OSBPL8: variants seen among roughly 807,000 people sequenced by gnomAD.
The protein encoded by OSBPL8 is oxysterol-binding protein-related protein 8.
In OSBPL8, 59 loss-of-function variants were observed where a neutral mutation model predicts 125.5. The observed-to-expected ratio is 0.47, with a 90% confidence interval of 0.38 to 0.58. The LOEUF (loss-of-function observed/expected upper bound fraction) is 0.58, where lower values mean the gene tolerates loss of function less well. Ranked by LOEUF, OSBPL8 falls within the 20% of genes least tolerant of loss-of-function variation. OSBPL8 has a pLI of 0.00. For synonymous variants in OSBPL8, 330 were observed against 338.9 expected (o/e 0.97, Z 0.29); for missense variants, 758 against 1,047.8 (o/e 0.72, Z 3.82).
intron 1 of OSBPL8, among the ~76,000 whole-genome samples, chr12:76,499,964 T>C (rs1565947875): frequency 6.6e-6 from 1 of 152,182 alleles, no homozygotes; most frequent in Non-Finnish European, 1.5e-5. Flanking sequence ...TACCCTCCAA[T>C]GATCCTTTAC....
rs192294419 is a variant in OSBPL8, at chr12:76,387,071, C to T, written c.1353-411G>A. 3.3e-3 allele frequency among the ~76,000 whole-genome samples: 509 copies of T among 152,260 alleles called. 2 individuals are homozygous for T. Among genetic ancestry groups the T allele is most frequent in the African/African-American group, 0.012 (491 of 41,550 alleles). On this transcript the variant is annotated intron_variant, in intron 12 of 23. Coordinates refer to ENST00000261183, the MANE Select transcript of OSBPL8 (RefSeq NM_020841.5). ...CAATGTTAGGCAGTGGCCAAGCAGC[C>T]TCATTAACAATTTTGTTAGAAGTCT...
chr12:76,448,906 A>G (rs1873041699), intron 4 of OSBPL8, among the ~76,000 whole-genome samples: 1 of 152,094 alleles, frequency 6.6e-6, no homozygotes, highest in South Asian at 2.1e-4. Context: ...CCAGCTACTC[A>G]GGAGGCTGAG....
chr12:76,471,924 T>C (rs1484175382), intron 2 of OSBPL8, among the ~76,000 whole-genome samples: 2 of 152,216 alleles, frequency 1.3e-5, no homozygotes, highest in African/African-American at 2.4e-5. Context: ...AGGTTAAGCA[T>C]TACCTTGTCT....
intron 4 of OSBPL8, among the ~76,000 whole-genome samples, chr12:76,449,429 T>C (rs1050680577): frequency 1.3e-5 from 2 of 152,196 alleles, no homozygotes; most frequent in Non-Finnish European, 2.9e-5. Flanking sequence ...AGGTGAAAAC[T>C]AGTTTCATAA....
chr12:76,490,881 G>T (rs147514403), intron 1 of OSBPL8, among the ~76,000 whole-genome samples: 1 of 152,350 alleles, frequency 6.6e-6, no homozygotes, highest in Non-Finnish European at 1.5e-5. Flanking sequence ...ACCCCACTTG[G>T]ATGCTGCAGC....
intron 6 of OSBPL8, among the ~76,000 whole-genome samples, chr12:76,401,165 A>G (rs1954038375): frequency 6.6e-6 from 1 of 152,148 alleles, no homozygotes; most frequent in Non-Finnish European, 1.5e-5. Context: ...ACCCATTTTT[A>G]TTATACCCCC....
chr12:76,520,064 T>G (rs1248009039), intron 1 of OSBPL8, among the ~76,000 whole-genome samples: 1 of 152,070 alleles, frequency 6.6e-6, no homozygotes, highest in African/African-American at 2.4e-5. Context: ...ATAAAATATC[T>G]CAGAGACCAG....
At chr12:76,371,675 G>A (rs1344543787) in intron 18 of OSBPL8, 91 bp from the exon 19 acceptor site, 1 of 1,138,690 alleles carries the variant, frequency 8.8e-7, no homozygotes, top group Non-Finnish European at 1.1e-6. Context: ...AATTTCTTCT[G>A]GTTAATCCTC....
chr12:76,547,008 TC>T (rs1169398503), intron 1 of OSBPL8, among the ~76,000 whole-genome samples: 3 of 152,212 alleles, frequency 2.0e-5, no homozygotes, highest in Non-Finnish European at 4.4e-5. Flanking sequence ...ATTTAAGCCT[TC>T]CAAATCACAA....
At chr12:76,489,729 A>G (rs1878516784) in intron 1 of OSBPL8, among the ~76,000 whole-genome samples, 1 of 152,256 alleles carries the variant, frequency 6.6e-6, no homozygotes, top group Admixed American at 6.5e-5. Flanking sequence ...CTAACGCAAC[A>G]TCTATTCTGC....
chr12:76,402,642 T>C, intron 6 of OSBPL8, 47 bp downstream of exon 6: 1 of 1,368,108 alleles, frequency 7.3e-7, no homozygotes, highest in Non-Finnish European at 1.0e-6. Context: ...CAAACACACA[T>C]GCAAAGCACA....
chr12:76,385,994 T>C (rs981716679), intron 14 of OSBPL8, 174 bp downstream of exon 14: 1 of 851,050 alleles, frequency 1.2e-6, no homozygotes, highest in Non-Finnish European at 1.6e-6. Context: ...ATAGTACCTA[T>C]GAATATATTT....
intron 1 of OSBPL8, among the ~76,000 whole-genome samples, chr12:76,512,130 C>T (rs1338618147): frequency 2.0e-5 from 3 of 152,316 alleles, no homozygotes; most frequent in African/African-American, 4.8e-5. Context: ...ATATAACCCT[C>T]CCCGCTCAAG....
intron 2 of OSBPL8, among the ~76,000 whole-genome samples, chr12:76,483,910 G>T (rs1877847189): frequency 6.6e-6 from 1 of 151,826 alleles, no homozygotes; most frequent in African/African-American, 2.4e-5. Context: ...CCTGACCTTA[G>T]GTGATCTGTA....
intron 2 of OSBPL8, among the ~76,000 whole-genome samples, chr12:76,483,462 G>A (rs1877765812): frequency 1.3e-5 from 2 of 150,090 alleles, no homozygotes; most frequent in Non-Finnish European, 3.0e-5. Context: ...TACTCGGGAG[G>A]CTGAGGCAGG....
intron 2 of OSBPL8, among the ~76,000 whole-genome samples, chr12:76,474,469 T>C (rs1326923280): frequency 6.6e-6 from 1 of 152,082 alleles, no homozygotes; most frequent in African/African-American, 2.4e-5. Context: ...TGTGTGTATA[T>C]GTATAAAAAT....
intron 2 of OSBPL8, among the ~76,000 whole-genome samples, chr12:76,475,006 TAGAA>T (rs772627698): frequency 6.6e-6 from 1 of 152,210 alleles, no homozygotes; most frequent in Non-Finnish European, 1.5e-5. Flanking sequence ...CTACTGTCAC[TAGAA>T]AGACAGGTAG....
chr12:76,420,271 A>G (rs1396307789), intron 4 of OSBPL8, among the ~76,000 whole-genome samples: 1 of 152,144 alleles, frequency 6.6e-6, no homozygotes, highest in Non-Finnish European at 1.5e-5. Context: ...CAAAATATAC[A>G]AAACAACTAT....
intron 4 of OSBPL8, among the ~76,000 whole-genome samples, chr12:76,439,614 T>C (rs922735429): frequency 4.6e-5 from 7 of 152,188 alleles, no homozygotes; most frequent in African/African-American, 1.7e-4. Flanking sequence ...TAGGATTTGT[T>C]TGTAAACCTG....
Sources: gnomAD v4.1 joint callset for allele counts (sites outside exome capture counted in the v4.1 genomes callset) on GRCh38, gnomAD v4.1.1 for gene constraint, MANE v1.5 for transcripts, NCBI Gene and HGNC (gene_info 2026-07-23, HGNC 2026-07-21) for gene names.